GALNT7: variants seen among roughly 807,000 people sequenced by gnomAD.
GALNT7 encodes N-acetylgalactosaminyltransferase 7.
In GALNT7, 60 loss-of-function variants were observed where a neutral mutation model predicts 82.1. The observed-to-expected ratio is 0.73, with a 90% CI of 0.59 to 0.91. GALNT7 has a LOEUF of 0.91. Ranked by LOEUF, GALNT7 falls within the 40% of genes least tolerant of loss-of-function variation. The pLI is 0.00. For synonymous variants in GALNT7, 243 were observed against 275.1 expected (o/e 0.88, Z 1.15); for missense variants, 660 against 804.2 (o/e 0.82, Z 2.17).
chr4:173,209,244 C>T (rs1733195406), intron 1 of GALNT7, among the ~76,000 whole-genome samples: 1 of 152,164 alleles, frequency 6.6e-6, no homozygotes, highest in Non-Finnish European at 1.5e-5. Context: ...ATGTTTTTAG[C>T]TGATGTTGTA....
chr4:173,210,856 G>A (rs916862170), intron 1 of GALNT7, among the ~76,000 whole-genome samples: 5 of 151,974 alleles, frequency 3.3e-5, no homozygotes, highest in Non-Finnish European at 5.9e-5. Flanking sequence ...TTCTATTTCA[G>A]TGCTATCAAG....
intron 1 of GALNT7, among the ~76,000 whole-genome samples, chr4:173,177,465 G>C (rs1477123262): frequency 6.6e-6 from 1 of 152,138 alleles, no homozygotes; most frequent in Non-Finnish European, 1.5e-5. Flanking sequence ...CAGGGAGTGG[G>C]TTGGTAAGTT....
At chr4:173,319,651 A>G (rs1225224381) in intron 11 of GALNT7, among the ~76,000 whole-genome samples, 2 of 152,180 alleles carry the variant, frequency 1.3e-5, no homozygotes, top group African/African-American at 2.4e-5. Context: ...AAAATGACAC[A>G]TAACATGTTT....
Position 173,176,208 on chromosome 4 carries a change from C to G in GALNT7, c.126+7247C>G, listed in dbSNP as rs567277994. Among the ~76,000 whole-genome samples the G allele has an allele frequency of 2.0e-5, 3 of 152,272 alleles. No individual in the cohort carries two copies. The South Asian group carries it at 6.2e-4, about 32-fold the overall frequency. On this transcript the variant is annotated intron_variant, in intron 1 of 11. Coordinates refer to ENST00000265000, the MANE Select transcript of GALNT7 (RefSeq NM_017423.3). ...CTATCATGCAAATCTGGCGGAAAAG[C>G]ATTCCAGGCAGAGGGAACAGAAGTG...
intron 1 of GALNT7, among the ~76,000 whole-genome samples, chr4:173,189,182 A>G (rs1420495665): frequency 6.6e-6 from 1 of 152,206 alleles, no homozygotes; most frequent in Non-Finnish European, 1.5e-5. Flanking sequence ...TTATTTATCA[A>G]AAAAGATTTC....
At chr4:173,257,950 A>G (rs1158146368) in intron 2 of GALNT7, among the ~76,000 whole-genome samples, 2 of 152,222 alleles carry the variant, frequency 1.3e-5, no homozygotes, top group Admixed American at 6.5e-5. Context: ...TCCAGAGTCC[A>G]CACGTGGTAA....
chr4:173,300,072 C>CTT (rs1417386850), intron 6 of GALNT7, among the ~76,000 whole-genome samples: 1 of 152,158 alleles, frequency 6.6e-6, no homozygotes, highest in African/African-American at 2.4e-5. Flanking sequence ...TTATTGAATG[C>CTT]TTACTGTATG....
chr4:173,249,953 G>A (rs544066920), intron 2 of GALNT7, among the ~76,000 whole-genome samples: 7 of 152,240 alleles, frequency 4.6e-5, no homozygotes, highest in African/African-American at 1.7e-4. Flanking sequence ...GGTGCTTTGC[G>A]AAATGACTGG....
At chr4:173,253,504 G>C (rs548618436) in intron 2 of GALNT7, among the ~76,000 whole-genome samples, 25 of 152,306 alleles carry the variant, frequency 1.6e-4, no homozygotes, top group African/African-American at 6.0e-4. Context: ...GAGTAGATTA[G>C]GGGGTGGAGG....
intron 2 of GALNT7, among the ~76,000 whole-genome samples, chr4:173,259,865 T>C (rs1735193606): frequency 6.6e-6 from 1 of 152,140 alleles, no homozygotes; most frequent in Admixed American, 6.5e-5. Context: ...CTCGAACTCT[T>C]GACCTCAGGT....
chr4:173,235,481 C>T (rs1366758518), intron 1 of GALNT7, among the ~76,000 whole-genome samples: 1 of 152,188 alleles, frequency 6.6e-6, no homozygotes, highest in Non-Finnish European at 1.5e-5. Flanking sequence ...CCTGTCTTCA[C>T]CTAAGTAACT....
intron 1 of GALNT7, among the ~76,000 whole-genome samples, chr4:173,174,048 A>G (rs1344208158): frequency 1.3e-5 from 2 of 152,184 alleles, no homozygotes; most frequent in African/African-American, 4.8e-5. Flanking sequence ...GCTATCACTT[A>G]GTGAAAGTGT....
intron 1 of GALNT7, among the ~76,000 whole-genome samples, chr4:173,216,815 C>G (rs1339776455): frequency 7.0e-6 from 1 of 142,836 alleles, no homozygotes; most frequent in Non-Finnish European, 1.5e-5. Flanking sequence ...ACTGCAACCT[C>G]TGCCTCCCAG....
intron 1 of GALNT7, among the ~76,000 whole-genome samples, chr4:173,196,127 A>ATTT (rs35060535): frequency 6.8e-6 from 1 of 145,998 alleles, no homozygotes. Context: ...TTAAGTTGGA[A>ATTT]TTTTTTTTTT....
At chr4:173,314,311 C>G in intron 9 of GALNT7, 135 bp downstream of exon 9, 2 of 659,990 alleles carry the variant, frequency 3.0e-6, no homozygotes, top group Non-Finnish European at 5.5e-6. Flanking sequence ...GATCTACCAC[C>G]TTTCCACTAA....
intron 1 of GALNT7, among the ~76,000 whole-genome samples, chr4:173,240,088 T>C (rs906858112): frequency 6.6e-6 from 1 of 152,188 alleles, no homozygotes; most frequent in Non-Finnish European, 1.5e-5. Flanking sequence ...TTTTTCTTCT[T>C]AATATAGCCT....
intron 1 of GALNT7, among the ~76,000 whole-genome samples, chr4:173,216,075 G>A (rs890797289): frequency 2.6e-5 from 4 of 152,086 alleles, no homozygotes; most frequent in African/African-American, 9.7e-5. Flanking sequence ...AGTGAGCTGC[G>A]ATCACACACT....
chr4:173,227,157 G>T (rs1325877007), intron 1 of GALNT7, among the ~76,000 whole-genome samples: 1 of 151,964 alleles, frequency 6.6e-6, no homozygotes, highest in African/African-American at 2.4e-5. Context: ...TACCACTTTG[G>T]AGAGAAAAAC....
chr4:173,231,784 T>A (rs1734037920), intron 1 of GALNT7, among the ~76,000 whole-genome samples: 1 of 152,114 alleles, frequency 6.6e-6, no homozygotes, highest in Non-Finnish European at 1.5e-5. Context: ...ATTATTTTTG[T>A]ATATGGGAGT....
Sources: gnomAD v4.1 joint callset for allele counts (sites outside exome capture counted in the v4.1 genomes callset) on GRCh38, gnomAD v4.1.1 for gene constraint, MANE v1.5 for transcripts, NCBI Gene and HGNC (gene_info 2026-07-23, HGNC 2026-07-21) for gene names.